The following GRIK3 variants were observed in gnomAD, a reference collection of about 807,000 sequenced individuals.
The protein encoded by GRIK3 is glutamate ionotropic receptor kainate type subunit 3, also known as glutamate receptor ionotropic, kainate 3.
Under a neutral mutation model 102.5 loss-of-function variants are expected in GRIK3, and 29 were observed. That is an observed-to-expected ratio of 0.28 (90% CI 0.21 to 0.39). The LOEUF is 0.39. Among genes scored for constraint, GRIK3 ranks in the 10% least tolerant of loss-of-function variants. GRIK3 has a pLI of 1.00. For missense variants in GRIK3, 908 were observed against 1,252.4 expected (o/e 0.73, Z 4.15); for synonymous variants, 511 against 504.9 (o/e 1.01, Z -0.16).
intron 1 of GRIK3, among the ~76,000 whole-genome samples, chr1:36,896,599 A>C (rs1178822278): frequency 6.6e-6 from 1 of 152,170 alleles, no homozygotes; most frequent in Non-Finnish European, 1.5e-5. Flanking sequence ...GCAAAAATAG[A>C]AACAAAGAAC....
At chr1:36,802,747 T>C (rs972801664) in intron 15 of GRIK3, among the ~76,000 whole-genome samples, 1 of 152,182 alleles carries the variant, frequency 6.6e-6, no homozygotes, top group Non-Finnish European at 1.5e-5. Flanking sequence ...CAGTGGGGGA[T>C]GCTGATATCT....
chr1:36,888,244 A>T (rs114324623), intron 2 of GRIK3, among the ~76,000 whole-genome samples: 1,804 of 152,320 alleles, frequency 0.012, 13 homozygotes, highest in Admixed American at 0.018. Flanking sequence ...CCACGTAGAC[A>T]ATCTCACGGA....
intron 15 of GRIK3, among the ~76,000 whole-genome samples, 181 bp from the exon 16 acceptor site, chr1:36,802,226 C>T (rs566398427): frequency 3.9e-5 from 6 of 152,224 alleles, no homozygotes; most frequent in Non-Finnish European, 8.8e-5. Context: ...CAGCAGTCTA[C>T]AAAACCTGAC....
intron 1 of GRIK3, among the ~76,000 whole-genome samples, chr1:36,934,389 C>A (rs1460581294): frequency 1.3e-5 from 2 of 152,188 alleles, no homozygotes; most frequent in Non-Finnish European, 2.9e-5. Flanking sequence ...TATGCTAAAC[C>A]CGCAGTTCCT....
At chr1:36,957,359 C>CATGTGCCTCA (rs1641923661) in intron 1 of GRIK3, among the ~76,000 whole-genome samples, 2 of 118,970 alleles carry the variant, frequency 1.7e-5, no homozygotes, top group Admixed American at 8.2e-5. Context: ...CCTATGCCCC[C>CATGTGCCTCA]TGAGTCTGTG....
At chr1:36,867,073 A>G (rs1288039150) in intron 5 of GRIK3, among the ~76,000 whole-genome samples, 12 of 152,214 alleles carry the variant, frequency 7.9e-5, no homozygotes, top group Non-Finnish European at 7.3e-5. Context: ...AGGACCTTGG[A>G]GAGCATTTGT....
intron 1 of GRIK3, among the ~76,000 whole-genome samples, chr1:36,951,057 G>C (rs1641838794): frequency 6.6e-6 from 1 of 152,256 alleles, no homozygotes; most frequent in Non-Finnish European, 1.5e-5. Flanking sequence ...CAGGGCCCAG[G>C]AAAGGAGAAG....
At chr1:36,989,753 G>A (rs182763841) in intron 1 of GRIK3, among the ~76,000 whole-genome samples, 84 of 152,206 alleles carry the variant, frequency 5.5e-4, no homozygotes, top group African/African-American at 1.9e-3. Flanking sequence ...TGCATCTCCT[G>A]TGGGAACCAG....
rs1450870299 is a variant in GRIK3 at position 36,800,899 on chromosome 1, G to A, written c.*952C>T. ...TGATGAGAAGATGGCAAAGAGCCCA[G>A]GTTTCCAAATGTGAACAGGGTTTAG... On this transcript the variant is annotated 3_prime_UTR_variant, in exon 16 of 16. Transcript: ENST00000373091. 6.6e-6 allele frequency: 1 copy of A among 152,208 alleles called. No homozygotes were observed. The highest frequency in any genetic ancestry group is 1.5e-5 in the Non-Finnish European group (1 of 68,038). The allele number at this position is 152,208 out of a possible 1,614,324, so 9.4% of individuals were successfully genotyped here.
intron 1 of GRIK3, among the ~76,000 whole-genome samples, chr1:36,933,933 T>G (rs1314400103): frequency 6.6e-6 from 1 of 152,218 alleles, no homozygotes; most frequent in Non-Finnish European, 1.5e-5. Context: ...CCACCTCATC[T>G]TTATGCCCCA....
intron 1 of GRIK3, among the ~76,000 whole-genome samples, chr1:36,938,780 A>G (rs1243415263): frequency 6.6e-6 from 1 of 152,218 alleles, no homozygotes; most frequent in Non-Finnish European, 1.5e-5. Context: ...GGGGGTTGAC[A>G]GCTGACCCAA....
Position 36,998,979 on chromosome 1 carries a change from AGTGT to A in GRIK3, c.115+35011_115+35014del, listed in dbSNP as rs768062478. 7.7e-4 allele frequency among the ~76,000 whole-genome samples: 99 copies of A among 128,286 alleles called. No homozygotes were observed. In the East Asian group the frequency reaches 8.8e-3, roughly 11 times the overall value. The allele number at this position is 128,286 out of a possible 152,430, so 84.2% of individuals were successfully genotyped here. Reference sequence around the variant, plus strand: ...CTACCCTACTCTGCAGAACTTTGGAAGTGTGTGTGTGTGTGTGTGTGTGTGTGTA... The same window carrying A: ...CTACCCTACTCTGCAGAACTTTGGAAGTGTGTGTGTGTGTGTGTGTGTGTA... On this transcript the variant is annotated intron_variant, in intron 1 of 15. Coordinates refer to ENST00000373091, the MANE Select transcript of GRIK3 (RefSeq NM_000831.4).
At chr1:36,916,486 A>T (rs530728753) in intron 1 of GRIK3, among the ~76,000 whole-genome samples, 1 of 152,222 alleles carries the variant, frequency 6.6e-6, no homozygotes, top group African/African-American at 2.4e-5. Context: ...TCTTCATGGC[A>T]GCCCCTCACA....
At chr1:36,937,000 G>T (rs373654185) in intron 1 of GRIK3, among the ~76,000 whole-genome samples, 1 of 152,216 alleles carries the variant, frequency 6.6e-6, no homozygotes, top group Non-Finnish European at 1.5e-5. Context: ...TCACAGCCGG[G>T]TGGTCAATGG....
intron 1 of GRIK3, among the ~76,000 whole-genome samples, chr1:36,963,094 C>CCCGA (rs1557443498): frequency 6.6e-6 from 1 of 151,992 alleles, no homozygotes; most frequent in African/African-American, 2.4e-5. Context: ...ATTAGCCAAC[C>CCCGA]CCGAGGTCAG....
chr1:36,890,115 G>C (rs946549894), intron 2 of GRIK3, among the ~76,000 whole-genome samples: 2 of 152,144 alleles, frequency 1.3e-5, no homozygotes, highest in Admixed American at 6.5e-5. Context: ...GGCTAAACCA[G>C]GGTGGGGCAC....
intron 1 of GRIK3, among the ~76,000 whole-genome samples, chr1:36,986,454 C>CAG (rs1557452920): frequency 3.2e-4 from 47 of 148,608 alleles, no homozygotes; most frequent in African/African-American, 1.1e-3. Context: ...ATCCATCCAT[C>CAG]CATCCATCAG....
intron 1 of GRIK3, among the ~76,000 whole-genome samples, chr1:36,976,237 C>T (rs1421812443): frequency 6.6e-6 from 1 of 152,164 alleles, no homozygotes; most frequent in Non-Finnish European, 1.5e-5. Flanking sequence ...AGGACAGTGA[C>T]AGGGGAGGCT....
In GRIK3 at chr1:36,824,358, G is replaced by GACAA. The variant is rs576143932; in HGVS notation, c.1754+1241_1754+1244dup. Among the ~76,000 whole-genome samples, 32 of 152,330 alleles carry GACAA rather than the reference G, an allele frequency of 2.1e-4. No homozygotes were observed. The East Asian group carries it at 5.2e-3, about 25-fold the overall frequency. ...TTCAAAGGCTTGTTAGACCATTAGA[G>GACAA]ACAAGAGGCATAAATGAAGGCCTCT... On this transcript the variant is annotated intron_variant, in intron 11 of 15. Transcript: ENST00000373091.
Sources: allele counts gnomAD v4.1 joint callset (sites outside exome capture counted in the v4.1 genomes callset), GRCh38; gene constraint gnomAD v4.1.1; transcripts MANE v1.5; gene names NCBI Gene and HGNC (gene_info 2026-07-23, HGNC 2026-07-21).